Variants in NOL4 observed in about 807,000 individuals in gnomAD.
NOL4 encodes the protein nucleolar protein 4.
A neutral mutation model predicts 75.9 loss-of-function variants in NOL4; 17 were observed. That is an observed-to-expected ratio of 0.22 (90% CI 0.15 to 0.34). The LOEUF (loss-of-function observed/expected upper bound fraction) is 0.34. Among genes scored for constraint, NOL4 ranks in the 10% least tolerant of loss-of-function variants. The pLI is 1.00. For missense variants in NOL4, 614 were observed against 793.5 expected, an observed-to-expected ratio of 0.77 and a Z score of 2.72; for synonymous variants, 292 against 289.9, an observed-to-expected ratio of 1.01 and a Z score of -0.07.
At chr18:33,997,759 T>C (rs914662344) in intron 6 of NOL4, among the ~76,000 whole-genome samples, 1 of 150,264 alleles carries the variant, frequency 6.7e-6, no homozygotes, top group African/African-American at 2.4e-5. Flanking sequence ...ACTCCATATA[T>C]GTAGAAATAC....
chr18:34,068,945 ATAT>A (rs1463114220), intron 5 of NOL4, among the ~76,000 whole-genome samples: 4 of 152,198 alleles, frequency 2.6e-5, no homozygotes, highest in Admixed American at 2.0e-4. Context: ...AAACAATAAA[ATAT>A]TATTATTTAA....
intron 9 of NOL4, among the ~76,000 whole-genome samples, chr18:33,931,758 A>G (rs1230579847): frequency 6.6e-6 from 1 of 152,066 alleles, no homozygotes; most frequent in East Asian, 1.9e-4. Flanking sequence ...AAGAAAATTA[A>G]TAAAAATGAA....
At chr18:34,168,396 C>T (rs917016500) in intron 1 of NOL4, among the ~76,000 whole-genome samples, 3 of 150,784 alleles carry the variant, frequency 2.0e-5, no homozygotes, top group South Asian at 2.1e-4. Context: ...GAAATTTTAC[C>T]ATTCACAGAC....
intron 5 of NOL4, among the ~76,000 whole-genome samples, chr18:34,074,595 A>G (rs2077667006): frequency 6.6e-6 from 1 of 152,050 alleles, no homozygotes; most frequent in South Asian, 2.1e-4. Context: ...AATAATAAAA[A>G]TGTGTTTTAT....
At chr18:33,982,245 T>C (rs1160965174) in intron 6 of NOL4, among the ~76,000 whole-genome samples, 1 of 151,984 alleles carries the variant, frequency 6.6e-6, no homozygotes, top group Non-Finnish European at 1.5e-5. Context: ...GGTCTAAATA[T>C]ACCAATGAAA....
At chr18:34,092,936 G>C (rs1659883969) in intron 5 of NOL4, among the ~76,000 whole-genome samples, 1 of 152,136 alleles carries the variant, frequency 6.6e-6, no homozygotes, top group Non-Finnish European at 1.5e-5. Context: ...AAGAGATCAT[G>C]AACTTTCTTT....
In NOL4 at chr18:34,141,011, A is replaced by T. The variant is rs188703904; in HGVS notation, c.265-10991T>A. Among the ~76,000 whole-genome samples, 850 of 152,194 alleles carry T rather than the reference A, an allele frequency of 5.6e-3. 11 individuals are homozygous for T. The highest frequency in any genetic ancestry group is 0.02 in the African/African-American group (815 of 41,552). On this transcript the variant is annotated intron_variant, in intron 1 of 10. Coordinates refer to ENST00000261592, the MANE Select transcript of NOL4 (RefSeq NM_003787.5). ...CTCAGGATACAAAATCAATGTGCAA[A>T]AATCACAAGCATTCTTATACACCAA...
Position 34,019,556 on chromosome 18 carries a change from T to A in NOL4, c.818A>T (p.His273Leu). 6.2e-7 allele frequency: 1 copy of A among 1,614,028 alleles called. No homozygotes were observed. Among genetic ancestry groups the A allele is most frequent in the Non-Finnish European group, 8.5e-7 (1 of 1,179,978 alleles). ...TGTTCCCCCTGAAGCAATTGAACTGTGCCCCAGAGTCTCATTGCCATTAAA... is the reference window on the plus strand; with the variant it reads ...TGTTCCCCCTGAAGCAATTGAACTGAGCCCCAGAGTCTCATTGCCATTAAA... The part of the protein sequence containing the change: ...ESFNGNETLG[H>L]SSIASGGTHS... Residue 273 changes from histidine to leucine, a missense_variant, in exon 6 of 11, where the codon CAC becomes CTC. Physicochemically the swap from His to Leu is moderately conservative, Grantham distance 99 (BLOSUM62 -3). Around this residue, in one of 9 missense-constraint regions of NOL4, gnomAD observed 196 missense variants for 167.9 expected, o/e 1.17. Coordinates refer to ENST00000261592, the MANE Select transcript of NOL4 (RefSeq NM_003787.5).
At chr18:33,915,038 C>T (rs988540903) in intron 9 of NOL4, among the ~76,000 whole-genome samples, 3 of 152,162 alleles carry the variant, frequency 2.0e-5, no homozygotes, top group African/African-American at 4.8e-5. Flanking sequence ...GAGAAACCAG[C>T]ATAGGCAAGT....
intron 1 of NOL4, among the ~76,000 whole-genome samples, chr18:34,175,010 C>T (rs1005635561): frequency 1.3e-5 from 2 of 152,070 alleles, no homozygotes; most frequent in African/African-American, 4.8e-5. Context: ...CTAGAAATAC[C>T]ATTTGACCCA....
intron 5 of NOL4, among the ~76,000 whole-genome samples, chr18:34,090,609 T>G (rs1156539376): frequency 2.7e-5 from 4 of 149,530 alleles, no homozygotes; most frequent in Non-Finnish European, 5.9e-5. Flanking sequence ...GAATAGAACA[T>G]AGAAAAGGAG....
intron 1 of NOL4, among the ~76,000 whole-genome samples, chr18:34,220,073 G>T (rs1271691527): frequency 1.3e-5 from 2 of 152,160 alleles, no homozygotes; most frequent in Non-Finnish European, 2.9e-5. Flanking sequence ...TAGGCTTTAG[G>T]GGGAAGAGTA....
chr18:34,153,903 C>A (rs1207207659), intron 1 of NOL4, among the ~76,000 whole-genome samples: 2 of 151,940 alleles, frequency 1.3e-5, no homozygotes, highest in Non-Finnish European at 2.9e-5. Flanking sequence ...GTGAAAGTAA[C>A]ATACAGGAAG....
chr18:33,999,415 TATA>T (rs1358715499), intron 6 of NOL4, among the ~76,000 whole-genome samples: 4 of 152,184 alleles, frequency 2.6e-5, no homozygotes, highest in African/African-American at 9.6e-5. Context: ...ATTATAAAAA[TATA>T]ATGTTATTTT....
intron 5 of NOL4, among the ~76,000 whole-genome samples, chr18:34,021,342 G>C (rs1290354824): frequency 1.3e-5 from 2 of 152,160 alleles, no homozygotes; most frequent in Non-Finnish European, 2.9e-5. Flanking sequence ...GAGAAGTTGG[G>C]GAAGAGCATT....
At chr18:34,213,429 A>C (rs2036651189) in intron 1 of NOL4, among the ~76,000 whole-genome samples, 1 of 152,088 alleles carries the variant, frequency 6.6e-6, no homozygotes, top group Admixed American at 6.5e-5. Context: ...AGCTGGGACT[A>C]CAGGCACACG....
intron 1 of NOL4, among the ~76,000 whole-genome samples, chr18:34,163,746 A>C (rs2031895193): frequency 6.6e-6 from 1 of 152,168 alleles, no homozygotes; most frequent in Non-Finnish European, 1.5e-5. Context: ...ACTACTTTAA[A>C]GTTCATATGG....
At chr18:34,030,863 TA>T (rs758967128) in intron 5 of NOL4, among the ~76,000 whole-genome samples, 1 of 152,088 alleles carries the variant, frequency 6.6e-6, no homozygotes, top group Non-Finnish European at 1.5e-5. Flanking sequence ...AAATAAAATT[TA>T]AAAAGATGAT....
chr18:33,949,883 C>G (rs2069093200), intron 8 of NOL4, among the ~76,000 whole-genome samples: 1 of 151,950 alleles, frequency 6.6e-6, no homozygotes, highest in Non-Finnish European at 1.5e-5. Flanking sequence ...TAGTTAATAA[C>G]AGCTGACAAC....
Sources: allele counts gnomAD v4.1 joint callset (sites outside exome capture counted in the v4.1 genomes callset), GRCh38; gene constraint gnomAD v4.1.1; regional missense constraint gnomAD v4.1.1; transcripts MANE v1.5; gene names NCBI Gene and HGNC (gene_info 2026-07-23, HGNC 2026-07-21).